Variants in FHIT observed in about 807,000 individuals in gnomAD.
The protein encoded by FHIT is fragile histidine triad diadenosine triphosphatase.
FHIT carries 19 observed loss-of-function variants against 17.9 expected under a neutral mutation model. The observed-to-expected ratio is 1.06, with a 90% CI of 0.74 to 1.56. The LOEUF is 1.56. Among genes scored for constraint, FHIT ranks in the 40% most tolerant of loss-of-function variants. The probability of loss-of-function intolerance (pLI) is 0.00; values close to 1 mark genes in which losing one functional copy is unlikely to be tolerated. For synonymous variants in FHIT, 81 were observed against 69.7 expected, an observed-to-expected ratio of 1.16 and a Z score of -0.81; for missense variants, 248 against 189.2, an observed-to-expected ratio of 1.31 and a Z score of -1.82.
intron 3 of FHIT, among the ~76,000 whole-genome samples, chr3:60,870,258 CAAAGAA>C (rs1192579533): frequency 1.5e-3 from 13 of 8,872 alleles, no homozygotes; most frequent in Admixed American, 0.012. Flanking sequence ...TTTAAACACA[CAAAGAA>C]AAAAAAAAAC....
chr3:59,894,191 GC>G (rs1703970496), intron 8 of FHIT, among the ~76,000 whole-genome samples: 1 of 152,056 alleles, frequency 6.6e-6, no homozygotes, highest in African/African-American at 2.4e-5. Context: ...GCTGCAGTGA[GC>G]CATGATCATA....
chr3:61,108,558 C>T (rs924370537), intron 2 of FHIT, among the ~76,000 whole-genome samples: 4 of 152,156 alleles, frequency 2.6e-5, no homozygotes, highest in African/African-American at 9.7e-5. Context: ...AAAGGCATTA[C>T]CCATTAAGGT....
rs1452049467 is a variant in FHIT at position 59,749,200 on chromosome 3, A to C, written c.*385T>G. On this transcript the variant is annotated 3_prime_UTR_variant, in exon 10 of 10. Transcript: ENST00000492590. ...TAGACATTTTTTTTGAAAAGGGAAGAAATAAGCAGGTGGACCAATCCAACG... is the reference window on the plus strand; with the variant it reads ...TAGACATTTTTTTTGAAAAGGGAAGCAATAAGCAGGTGGACCAATCCAACG... 1 of 230,392 alleles carries C rather than the reference A, an allele frequency of 4.3e-6. No homozygotes were observed. The highest frequency in any genetic ancestry group is 8.6e-6 in the Non-Finnish European group (1 of 116,288). 14.3% of individuals were successfully genotyped at this position (230,392 alleles called of 1,614,324 possible). A position where few individuals can be genotyped will look rare whatever the true frequency, so the allele number is the denominator to read the frequency against.
chr3:60,765,671 G>A (rs1316025453), intron 4 of FHIT: 5 of 152,242 alleles, frequency 3.3e-5, no homozygotes, highest in African/African-American at 1.2e-4. Context: ...AGGATGCCTA[G>A]ATGGCTGGTG....
At chr3:60,383,956 T>C (rs1490688632) in intron 5 of FHIT, among the ~76,000 whole-genome samples, 2 of 152,154 alleles carry the variant, frequency 1.3e-5, no homozygotes, top group East Asian at 1.9e-4. Context: ...AAAATGTTTA[T>C]GTCAAAAATC....
chr3:60,907,922 T>C (rs375966922), intron 3 of FHIT, among the ~76,000 whole-genome samples: 1 of 152,214 alleles, frequency 6.6e-6, no homozygotes, highest in Non-Finnish European at 1.5e-5. Context: ...TGGAAACCTA[T>C]AGAAGTAAAA....
At chr3:59,860,853 A>G (rs1702372951) in intron 8 of FHIT, among the ~76,000 whole-genome samples, 1 of 152,212 alleles carries the variant, frequency 6.6e-6, no homozygotes, top group Non-Finnish European at 1.5e-5. Context: ...GGTGGGAATT[A>G]TACATTGAAA....
At chr3:60,068,533 A>T (rs1266847316) in intron 5 of FHIT, among the ~76,000 whole-genome samples, 1 of 152,222 alleles carries the variant, frequency 6.6e-6, no homozygotes, top group Non-Finnish European at 1.5e-5. Flanking sequence ...GGACCATGAT[A>T]CAAATGGCAG....
chr3:60,530,336 G>A (rs966628289), intron 5 of FHIT, among the ~76,000 whole-genome samples: 4 of 152,158 alleles, frequency 2.6e-5, no homozygotes, highest in African/African-American at 9.7e-5. Flanking sequence ...ACAGTGTTTC[G>A]TGGGTATGTC....
intron 5 of FHIT, among the ~76,000 whole-genome samples, chr3:60,402,180 A>G (rs954983009): frequency 1.3e-5 from 2 of 152,228 alleles, no homozygotes; most frequent in Admixed American, 6.5e-5. Flanking sequence ...AGACACTCAC[A>G]TCAGATTGTA....
intron 7 of FHIT, among the ~76,000 whole-genome samples, chr3:59,949,771 T>A (rs1460058255): frequency 9.2e-5 from 14 of 152,214 alleles, no homozygotes; most frequent in Admixed American, 9.2e-4. Context: ...CATATGAACA[T>A]CATATTCAAT....
chr3:60,474,150 T>G (rs540439075), intron 5 of FHIT, among the ~76,000 whole-genome samples: 64 of 152,202 alleles, frequency 4.2e-4, no homozygotes, highest in African/African-American at 1.5e-3. Context: ...ATGAAGGAGA[T>G]GAAGCAGACA....
At chr3:59,825,544 T>C (rs1700947343) in intron 8 of FHIT, among the ~76,000 whole-genome samples, 1 of 152,196 alleles carries the variant, frequency 6.6e-6, no homozygotes, top group African/African-American at 2.4e-5. Flanking sequence ...TCCATGAAGA[T>C]TTCTCCAATA....
At chr3:60,705,984 G>C (rs1319976494) in intron 4 of FHIT, among the ~76,000 whole-genome samples, 1 of 152,122 alleles carries the variant, frequency 6.6e-6, no homozygotes, top group Non-Finnish European at 1.5e-5. Flanking sequence ...ATAGGCCATT[G>C]TCATGGCATC....
chr3:61,055,138 C>A lies in FHIT; in HGVS notation c.-163-13039G>T, dbSNP rs149660952. ...TCAGGAAAAAAAGGCATCTGTGATG[C>A]GTCTCTTTTCCACTAGGGCTAGGCT... On this transcript the variant is annotated intron_variant, in intron 2 of 9. Transcript: ENST00000492590. 2.6e-5 allele frequency among the ~76,000 whole-genome samples: 4 copies of A among 151,810 alleles called. No individual in the cohort carries two copies. In the East Asian group the frequency reaches 5.8e-4, roughly 22 times the overall value.
chr3:60,994,279 G>A (rs763469383), intron 3 of FHIT, among the ~76,000 whole-genome samples: 5 of 152,066 alleles, frequency 3.3e-5, no homozygotes, highest in African/African-American at 4.8e-5. Context: ...CTCTCCTTGT[G>A]GAAATGGGTA....
At chr3:60,627,830 C>G (rs1276498111) in intron 4 of FHIT, among the ~76,000 whole-genome samples, 4 of 152,142 alleles carry the variant, frequency 2.6e-5, no homozygotes, top group African/African-American at 9.7e-5. Flanking sequence ...CCAGGTCCCA[C>G]TTTTTATTCC....
intron 8 of FHIT, among the ~76,000 whole-genome samples, chr3:59,795,963 C>T (rs1029308367): frequency 2.1e-4 from 32 of 152,096 alleles, no homozygotes; most frequent in African/African-American, 6.8e-4. Context: ...TACCAGAACT[C>T]GACTGAGTGC....
At chr3:60,843,321 T>C (rs1295735973) in intron 3 of FHIT, among the ~76,000 whole-genome samples, 1 of 152,092 alleles carries the variant, frequency 6.6e-6, no homozygotes, top group Non-Finnish European at 1.5e-5. Flanking sequence ...GTGAAATAAG[T>C]ACCTTATTAT....
Sources: allele counts gnomAD v4.1 joint callset (sites outside exome capture counted in the v4.1 genomes callset), GRCh38; gene constraint gnomAD v4.1.1; transcripts MANE v1.5; gene names NCBI Gene and HGNC (gene_info 2026-07-23, HGNC 2026-07-21).